Variants in CNOT6 observed in about 807,000 individuals in gnomAD.
CNOT6 encodes carbon catabolite repression 4 protein.
A neutral mutation model predicts 61.2 loss-of-function variants in CNOT6; 12 were observed. That is an observed-to-expected ratio of 0.20 (90% confidence interval 0.13 to 0.32). The LOEUF (loss-of-function observed/expected upper bound fraction) is 0.32, where lower values mean the gene tolerates loss of function less well. Among genes scored for constraint, CNOT6 ranks in the 10% least tolerant of loss-of-function variants. The pLI, the probability that CNOT6 is intolerant of heterozygous loss-of-function variation, is 1.00. For synonymous variants in CNOT6, 225 were observed against 240.6 expected, an observed-to-expected ratio of 0.94 and a Z score of 0.60; for missense variants, 405 against 663.9, an observed-to-expected ratio of 0.61 and a Z score of 4.28.
At chr5:180,573,010 C>G (rs1339428296) in intron 11 of CNOT6, among the ~76,000 whole-genome samples, 1 of 152,170 alleles carries the variant, frequency 6.6e-6, no homozygotes, top group Non-Finnish European at 1.5e-5. Context: ...AGCCTTTGCA[C>G]CTTAGAGCAT....
At chr5:180,543,339 G>A (rs999468071) in intron 2 of CNOT6, among the ~76,000 whole-genome samples, 4 of 152,106 alleles carry the variant, frequency 2.6e-5, no homozygotes, top group Non-Finnish European at 5.9e-5. Context: ...GATAACAGGC[G>A]TGAGCCAGTG....
intron 4 of CNOT6, among the ~76,000 whole-genome samples, chr5:180,554,113 AGTC>A (rs1258378995): frequency 2.6e-5 from 4 of 152,186 alleles, no homozygotes; most frequent in African/African-American, 9.7e-5. Flanking sequence ...CACTAGATGA[AGTC>A]GTCAAGATTT....
chr5:180,524,488 A>T (rs1352774485), intron 1 of CNOT6, among the ~76,000 whole-genome samples: 1 of 152,098 alleles, frequency 6.6e-6, no homozygotes, highest in Non-Finnish European at 1.5e-5. Flanking sequence ...AGATTTGGAA[A>T]ATAGAGAAGC....
At chr5:180,536,679 C>T (rs1425735605) in intron 2 of CNOT6, among the ~76,000 whole-genome samples, 10 of 152,230 alleles carry the variant, frequency 6.6e-5, no homozygotes, top group South Asian at 4.2e-4. Flanking sequence ...GATGCCATCT[C>T]GGCTCACTGC....
chr5:180,536,788 T>A (rs987187520), intron 2 of CNOT6, among the ~76,000 whole-genome samples: 9 of 152,186 alleles, frequency 5.9e-5, no homozygotes, highest in Non-Finnish European at 1.0e-4. Context: ...GGCAAGTTTT[T>A]ATATTTTAAT....
intron 4 of CNOT6, among the ~76,000 whole-genome samples, chr5:180,555,162 A>G (rs1480014524): frequency 2.0e-5 from 3 of 152,008 alleles, no homozygotes; most frequent in African/African-American, 4.8e-5. Flanking sequence ...ACCCACCACC[A>G]TGCCCAGCTA....
intron 1 of CNOT6, among the ~76,000 whole-genome samples, chr5:180,509,834 T>G (rs1196514675): frequency 5.3e-5 from 8 of 151,354 alleles, no homozygotes; most frequent in Admixed American, 1.3e-4. Flanking sequence ...TGGTGTTTTT[T>G]TTTTTTTTTT....
chr5:180,565,879 T>C lies in CNOT6; in HGVS notation c.619T>C (p.Tyr207His), dbSNP rs1240326412. 12 of 1,613,744 alleles carry C rather than the reference T, an allele frequency of 7.4e-6. No homozygotes were observed. The highest frequency in any genetic ancestry group is 5.5e-5 in the South Asian group (5 of 91,052). Residue 207 changes from tyrosine (Y) to histidine (H), a missense_variant, in exon 7 of 12, where the codon TAC becomes CAC. Around this residue, in one of 5 missense-constraint regions of CNOT6, gnomAD observed 212 missense variants for 307.1 expected, o/e 0.69. Transcript: ENST00000261951. ...LCDKYATRQLYGYCPSWALNW... is the reference protein window; with the variant it reads ...LCDKYATRQLHGYCPSWALNW... The stretch of plus-strand genomic sequence containing the variant: ...TGATAAATATGCGACCCGGCAGTTA[T>C]ACGGCTACTGTCCATCATGGGCGCT...
chr5:180,571,569 CTT>C, intron 11 of CNOT6, 137 bp downstream of exon 11: 1 of 680,970 alleles, frequency 1.5e-6, no homozygotes, highest in South Asian at 1.9e-5. Flanking sequence ...CAGCAATGTT[CTT>C]TGTTTTTTGT....
intron 4 of CNOT6, among the ~76,000 whole-genome samples, chr5:180,562,760 A>C (rs2127759062): frequency 6.6e-6 from 1 of 152,240 alleles, no homozygotes; most frequent in South Asian, 2.1e-4. Context: ...TAAGAAAAAG[A>C]AAACAGCATC....
rs145144360 is a variant in CNOT6, at chr5:180,575,452, TTTGTTG to T, written c.*1270_*1275del. 4 of 151,938 alleles carry T rather than the reference TTTGTTG, an allele frequency of 2.6e-5. No homozygotes were observed. Among genetic ancestry groups the T allele is most frequent in the East Asian group, 1.9e-4 (1 of 5,192 alleles). The allele number at this position is 151,938 out of a possible 1,614,324, so 9.4% of individuals were successfully genotyped here. On this transcript the variant is annotated 3_prime_UTR_variant, in exon 12 of 12. Coordinates refer to ENST00000261951, the MANE Select transcript of CNOT6 (RefSeq NM_001370472.1). The stretch of plus-strand genomic sequence containing the variant: ...TCGTCAGTGTCTTTTCCTTAGTCTT[TTTGTTG>T]TTGTTGTTGTTGTTGTTTTAATCAT...
At chr5:180,531,983 C>T (rs142929332) in intron 2 of CNOT6, among the ~76,000 whole-genome samples, 5 of 152,140 alleles carry the variant, frequency 3.3e-5, no homozygotes, top group African/African-American at 7.2e-5. Context: ...AGAGGGAGAC[C>T]GGGGAGAGGG....
At chr5:180,541,468 T>TTTTTTTTG (rs1554100392) in intron 2 of CNOT6, among the ~76,000 whole-genome samples, 2 of 145,376 alleles carry the variant, frequency 1.4e-5, no homozygotes, top group African/African-American at 2.6e-5. Flanking sequence ...TTTTTTTTTT[T>TTTTTTTTG]TGAGACAGAG....
rs764648606 is a variant in CNOT6, at chr5:180,567,207, T to C, written c.837T>C (p.His279=). ...ARTMSEQERK[H]VDGCAIFFKT... ...CAATGTCAGAACAAGAAAGGAAACA[T>C]GTTGATGGCTGTGCAATATTCTTCA... The change falls in exon 8 of 12, where the codon CAT becomes CAC. Residue 279 remains histidine (H), a synonymous_variant. Transcript: ENST00000261951. The C allele has an allele frequency of 6.2e-7, 1 of 1,610,898 alleles. No homozygotes were observed. The highest frequency in any genetic ancestry group is 8.5e-7 in the Non-Finnish European group (1 of 1,179,238).
intron 1 of CNOT6, among the ~76,000 whole-genome samples, chr5:180,513,669 G>A (rs1243593901): frequency 2.1e-5 from 3 of 144,786 alleles, no homozygotes; most frequent in African/African-American, 5.0e-5. Flanking sequence ...ACCATGCCTG[G>A]CCCTTTTATT....
chr5:180,518,311 A>G (rs773440016), intron 1 of CNOT6, among the ~76,000 whole-genome samples: 3 of 151,954 alleles, frequency 2.0e-5, no homozygotes, highest in Non-Finnish European at 2.9e-5. Context: ...CATTTTATAC[A>G]TTTCCTGCCC....
At chr5:180,495,495 CAACA>C (rs2127684025) in intron 1 of CNOT6, 1 of 152,344 alleles carries the variant, frequency 6.6e-6, no homozygotes, top group South Asian at 2.1e-4. Context: ...GCCTGCTAAC[CAACA>C]CCTGTGGCCT....
intron 1 of CNOT6, among the ~76,000 whole-genome samples, chr5:180,503,179 G>A (rs1224898212): frequency 3.3e-5 from 5 of 151,792 alleles, no homozygotes; most frequent in Non-Finnish European, 7.4e-5. Flanking sequence ...TTATAAGTGA[G>A]GAAATTTAGG....
chr5:180,536,730 C>A (rs1758719615), intron 2 of CNOT6, among the ~76,000 whole-genome samples: 1 of 152,200 alleles, frequency 6.6e-6, no homozygotes, highest in South Asian at 2.1e-4. Context: ...CCTTCCTCAG[C>A]CCCTCAAGTA....
Sources: gnomAD v4.1 joint callset for allele counts (sites outside exome capture counted in the v4.1 genomes callset) on GRCh38, gnomAD v4.1.1 for gene constraint, gnomAD v4.1.1 regional missense constraint, MANE v1.5 for transcripts, NCBI Gene and HGNC (gene_info 2026-07-23, HGNC 2026-07-21) for gene names.